The following EFNA5 variants were observed in gnomAD, a reference collection of about 807,000 sequenced individuals.
EFNA5 encodes the protein ephrin A5, also known as ephrin-A5.
EFNA5 carries 5 observed loss-of-function variants against 22.9 expected under a neutral mutation model. The ratio of observed to expected loss-of-function variants is 0.22; its 90% CI spans 0.11 to 0.46. The LOEUF (loss-of-function observed/expected upper bound fraction) is 0.46, where lower values mean the gene tolerates loss of function less well. Ranked by LOEUF, EFNA5 falls within the 20% of genes least tolerant of loss-of-function variation. The pLI, the probability that EFNA5 is intolerant of heterozygous loss-of-function variation, is 0.99. For missense variants in EFNA5, 237 were observed against 293.3 expected, an observed-to-expected ratio of 0.81 and a Z score of 1.40; for synonymous variants, 113 against 112.2, an observed-to-expected ratio of 1.01 and a Z score of -0.04.
chr5:107,546,813 C>T (rs893904834), intron 1 of EFNA5, among the ~76,000 whole-genome samples: 1 of 152,084 alleles, frequency 6.6e-6, no homozygotes, highest in African/African-American at 2.4e-5. Context: ...AAGAACATAT[C>T]ATGGAATTCT....
intron 1 of EFNA5, among the ~76,000 whole-genome samples, chr5:107,438,698 C>T (rs959199822): frequency 1.2e-4 from 18 of 152,252 alleles, no homozygotes; most frequent in Middle Eastern, 3.4e-3. Context: ...CAAATAGATT[C>T]GGATCTTTGG....
In EFNA5 at chr5:107,381,184, A is replaced by C. The variant is rs566973758; in HGVS notation, c.*71T>G. ...CAATAACAAGTCCCTTCTTAGGATG[A>C]GCAGTTAGGTGGATCTCTGGTGTTC... On this transcript the variant is annotated 3_prime_UTR_variant, in exon 5 of 5. Transcript: ENST00000333274. 2 of 1,529,728 alleles carry C rather than the reference A, an allele frequency of 1.3e-6. No individual in the cohort carries two copies. The highest frequency in any genetic ancestry group is 1.8e-6 in the Non-Finnish European group (2 of 1,125,456). 94.8% of individuals were successfully genotyped at this position (1,529,728 alleles called of 1,614,324 possible).
intron 1 of EFNA5, among the ~76,000 whole-genome samples, chr5:107,445,810 T>C (rs920200024): frequency 6.6e-6 from 1 of 152,366 alleles, no homozygotes; most frequent in Non-Finnish European, 1.5e-5. Context: ...ATCCTTCTTG[T>C]GGCACCTGGC....
intron 1 of EFNA5, among the ~76,000 whole-genome samples, chr5:107,435,960 A>G (rs1749099809): frequency 6.6e-6 from 1 of 152,240 alleles, no homozygotes; most frequent in African/African-American, 2.4e-5. Context: ...AGAATTCATC[A>G]GCAGTTTATT....
At chr5:107,404,662 C>T (rs1405937802) in intron 2 of EFNA5, among the ~76,000 whole-genome samples, 1 of 152,018 alleles carries the variant, frequency 6.6e-6, no homozygotes, top group Non-Finnish European at 1.5e-5. Flanking sequence ...TAGGGTGGAA[C>T]GGATATTCAA....
At chr5:107,566,884 T>C (rs147115191) in intron 1 of EFNA5, among the ~76,000 whole-genome samples, 36 of 152,360 alleles carry the variant, frequency 2.4e-4, no homozygotes, top group Admixed American at 5.9e-4. Flanking sequence ...ATGCAATCCT[T>C]TGTGATTCCC....
Position 107,552,244 on chromosome 5 carries a change from A to C in EFNA5, c.125+118245T>G, listed in dbSNP as rs547577078. On this transcript the variant is annotated intron_variant, in intron 1 of 4. Coordinates refer to ENST00000333274, the MANE Select transcript of EFNA5 (RefSeq NM_001962.3). ...GCCTTCCACATACTAGCTTTATGGT[A>C]AATGGAAATAGCAAAAGTGTTGTAA... 4.9e-4 allele frequency among the ~76,000 whole-genome samples: 74 copies of C among 152,320 alleles called. 1 individual carries two copies. The highest frequency in any genetic ancestry group is 9.1e-4 in the Non-Finnish European group (62 of 68,022).
At chr5:107,541,807 G>A (rs1019061470) in intron 1 of EFNA5, among the ~76,000 whole-genome samples, 1 of 152,188 alleles carries the variant, frequency 6.6e-6, no homozygotes, top group African/African-American at 2.4e-5. Flanking sequence ...GTCACATGTG[G>A]GAAATTTTCC....
At chr5:107,572,315 C>T (rs1052010294) in intron 1 of EFNA5, among the ~76,000 whole-genome samples, 5 of 152,172 alleles carry the variant, frequency 3.3e-5, no homozygotes, top group Non-Finnish European at 7.3e-5. Flanking sequence ...TTGTAAAGCA[C>T]ACAATGGGAG....
intron 1 of EFNA5, among the ~76,000 whole-genome samples, chr5:107,512,583 T>C (rs989250018): frequency 5.9e-5 from 9 of 152,116 alleles, no homozygotes; most frequent in Admixed American, 3.9e-4. Flanking sequence ...CCAGTGATTA[T>C]TGCCATTAAA....
intron 2 of EFNA5, among the ~76,000 whole-genome samples, chr5:107,394,556 C>G (rs1220509570): frequency 6.6e-6 from 1 of 152,130 alleles, no homozygotes; most frequent in Non-Finnish European, 1.5e-5. Flanking sequence ...GAGTAAACTT[C>G]AGGACAAGGG....
chr5:107,648,689 G>A (rs1219267270), intron 1 of EFNA5, among the ~76,000 whole-genome samples: 3 of 152,006 alleles, frequency 2.0e-5, no homozygotes, highest in Non-Finnish European at 4.4e-5. Context: ...GGATGGTTTG[G>A]GTAGTTGAAT....
intron 1 of EFNA5, among the ~76,000 whole-genome samples, chr5:107,557,994 G>A (rs1423287209): frequency 6.6e-6 from 1 of 152,104 alleles, no homozygotes; most frequent in African/African-American, 2.4e-5. Flanking sequence ...CGGTATAGGT[G>A]GGAGGATTAA....
intron 1 of EFNA5, among the ~76,000 whole-genome samples, chr5:107,658,992 C>T (rs1750885910): frequency 6.6e-6 from 1 of 152,136 alleles, no homozygotes; most frequent in Admixed American, 6.5e-5. Context: ...AATAAATCTA[C>T]ATGTGCACAT....
intron 1 of EFNA5, among the ~76,000 whole-genome samples, chr5:107,544,053 C>G (rs1224906224): frequency 6.6e-6 from 1 of 152,124 alleles, no homozygotes; most frequent in Non-Finnish European, 1.5e-5. Context: ...GAGGGAAGCC[C>G]ATTATATCTG....
At chr5:107,594,468 G>A (rs1293355389) in intron 1 of EFNA5, among the ~76,000 whole-genome samples, 1 of 152,128 alleles carries the variant, frequency 6.6e-6, no homozygotes, top group Non-Finnish European at 1.5e-5. Context: ...GGCAGTGAGA[G>A]GTTTGGATAA....
chr5:107,577,189 G>C (rs1375620343), intron 1 of EFNA5, among the ~76,000 whole-genome samples: 1 of 152,080 alleles, frequency 6.6e-6, no homozygotes, highest in Middle Eastern at 3.2e-3. Flanking sequence ...AGGCCCTGAG[G>C]GGGTTTTCAG....
At chr5:107,442,929 T>TAAA (rs544741414) in intron 1 of EFNA5, among the ~76,000 whole-genome samples, 36 of 81,974 alleles carry the variant, frequency 4.4e-4, no homozygotes, top group Admixed American at 6.9e-4. Context: ...CCCCAGGTAC[T>TAAA]AAAAAAAAAA....
intron 2 of EFNA5, among the ~76,000 whole-genome samples, chr5:107,406,300 C>G (rs757218717): frequency 1.3e-5 from 2 of 151,798 alleles, no homozygotes; most frequent in Non-Finnish European, 2.9e-5. Context: ...ACTGCAATTA[C>G]ATTTGCACCA....
Sources: gnomAD v4.1 joint callset for allele counts (sites outside exome capture counted in the v4.1 genomes callset) on GRCh38, gnomAD v4.1.1 for gene constraint, MANE v1.5 for transcripts, NCBI Gene and HGNC (gene_info 2026-07-23, HGNC 2026-07-21) for gene names.